The following RAB11FIP4 variants were observed in gnomAD, a reference collection of about 807,000 sequenced individuals.
RAB11FIP4 encodes rab11 family-interacting protein 4.
A neutral mutation model predicts 74.3 loss-of-function variants in RAB11FIP4; 23 were observed. That is an observed-to-expected ratio of 0.31 (90% CI 0.22 to 0.44). The LOEUF is 0.44. Among genes scored for constraint, RAB11FIP4 ranks in the 20% least tolerant of loss-of-function variants. RAB11FIP4 has a pLI of 1.00. For synonymous variants in RAB11FIP4, 360 were observed against 359.9 expected (o/e 1.00, Z 0.00); for missense variants, 630 against 863.9 (o/e 0.73, Z 3.39).
chr17:31,401,196 C>T (rs558495656), intron 1 of RAB11FIP4, among the ~76,000 whole-genome samples: 4 of 152,064 alleles, frequency 2.6e-5, no homozygotes, highest in South Asian at 4.2e-4. Context: ...GGCATGAACC[C>T]GGGAGGTGGA....
In RAB11FIP4 at chr17:31,457,224, T is replaced by A. The variant is rs189287983; in HGVS notation, c.336+23102T>A. On this transcript the variant is annotated intron_variant, in intron 3 of 14. Coordinates refer to ENST00000621161, the MANE Select transcript of RAB11FIP4 (RefSeq NM_032932.6). ...CCTTCCTCACAGGTTCTCGACTGTG[T>A]TCTCCTGGGGGACGAGGACCAGCTT... Among the ~76,000 whole-genome samples the A allele has an allele frequency of 1.7e-4, 26 of 152,260 alleles. No individual in the cohort carries two copies. The East Asian group carries it at 5.0e-3, about 29-fold the overall frequency.
At chr17:31,499,735 C>G (rs2072183169) in intron 3 of RAB11FIP4, among the ~76,000 whole-genome samples, 1 of 152,122 alleles carries the variant, frequency 6.6e-6, no homozygotes, top group African/African-American at 2.4e-5. Context: ...AGCAGACTGG[C>G]CACATGGTAG....
chr17:31,406,469 C>T (rs2071042571), intron 1 of RAB11FIP4, among the ~76,000 whole-genome samples: 1 of 152,250 alleles, frequency 6.6e-6, no homozygotes, highest in African/African-American at 2.4e-5. Context: ...CTCCTTCTGT[C>T]TCCCCTGCCT....
chr17:31,517,908 T>C, intron 4 of RAB11FIP4, 31 bp downstream of exon 4: 1 of 1,516,248 alleles, frequency 6.6e-7, no homozygotes, highest in Non-Finnish European at 9.0e-7. Flanking sequence ...GCTCCATATT[T>C]GCCCTCTCAG....
intron 1 of RAB11FIP4, among the ~76,000 whole-genome samples, chr17:31,424,561 C>A (rs1399571542): frequency 6.7e-6 from 1 of 150,102 alleles, no homozygotes; most frequent in Non-Finnish European, 1.5e-5. Flanking sequence ...AGGCGCGCAC[C>A]ACCACACCCA....
In RAB11FIP4 at chr17:31,423,210, C is replaced by T. The variant is rs906097919; in HGVS notation, c.160-8603C>T. ...CTGGGATTACAGGCGTGAGCCACCG[C>T]GCCCAGCCTTTTTGTCTTTTGTCTT... is the stretch of plus-strand genomic sequence containing the variant. On this transcript the variant is annotated intron_variant, in intron 1 of 14. Coordinates refer to ENST00000621161, the MANE Select transcript of RAB11FIP4 (RefSeq NM_032932.6). Among the ~76,000 whole-genome samples, 7 of 152,336 alleles carry T rather than the reference C, an allele frequency of 4.6e-5. No individual in the cohort carries two copies. In the South Asian group the frequency reaches 8.3e-4, roughly 18 times the overall value.
At chr17:31,522,085 G>C in intron 6 of RAB11FIP4, 36 bp downstream of exon 6, 8 of 1,613,226 alleles carry the variant, frequency 5.0e-6, no homozygotes, top group Non-Finnish European at 6.8e-6. Flanking sequence ...TGAGAGGCCG[G>C]GGGGCCAGGG....
chr17:31,511,531 C>T (rs933585222), intron 3 of RAB11FIP4, among the ~76,000 whole-genome samples: 10 of 152,226 alleles, frequency 6.6e-5, no homozygotes, highest in African/African-American at 2.2e-4. Flanking sequence ...ACAGTGCTAA[C>T]CACTGGGGTT....
chr17:31,524,044 A>T (rs2072720017), intron 9 of RAB11FIP4, 48 bp downstream of exon 9: 1 of 1,392,360 alleles, frequency 7.2e-7, no homozygotes. Flanking sequence ...GCTGGGGAAC[A>T]AAGGGGGGTC....
intron 3 of RAB11FIP4, among the ~76,000 whole-genome samples, chr17:31,480,421 T>C (rs1338612560): frequency 6.6e-6 from 1 of 152,072 alleles, no homozygotes; most frequent in East Asian, 1.9e-4. Flanking sequence ...GGATAAATGA[T>C]AAAGTCTGGA....
intron 1 of RAB11FIP4, among the ~76,000 whole-genome samples, chr17:31,423,368 G>T (rs563397655): frequency 1.3e-5 from 2 of 151,558 alleles, no homozygotes; most frequent in East Asian, 3.9e-4. Flanking sequence ...TTCTTTGTTT[G>T]TTTATTCGTT....
chr17:31,418,073 A>G (rs2071164822), intron 1 of RAB11FIP4, among the ~76,000 whole-genome samples: 2 of 152,184 alleles, frequency 1.3e-5, no homozygotes, highest in Non-Finnish European at 2.9e-5. Context: ...CCTGGGTGAC[A>G]GTGAGACCCT....
intron 3 of RAB11FIP4, chr17:31,509,059 G>C (rs778664964): frequency 6.6e-6 from 1 of 152,602 alleles, no homozygotes; most frequent in Non-Finnish European, 1.5e-5. Context: ...CATGGCTTTC[G>C]CTTTCTTTTC....
At chr17:31,528,860 G>A in intron 13 of RAB11FIP4, 82 bp downstream of exon 13, 1 of 1,467,816 alleles carries the variant, frequency 6.8e-7, no homozygotes, top group Non-Finnish European at 9.2e-7. Context: ...TCTGTGGTAG[G>A]GGAGCCCAGA....
intron 3 of RAB11FIP4, among the ~76,000 whole-genome samples, chr17:31,442,155 C>A (rs1410629034): frequency 6.6e-6 from 1 of 151,958 alleles, no homozygotes. Context: ...CCCGCCACCA[C>A]GCCTGGCTAA....
intron 3 of RAB11FIP4, among the ~76,000 whole-genome samples, chr17:31,481,495 T>G (rs1185342527): frequency 6.6e-6 from 1 of 152,128 alleles, no homozygotes; most frequent in Admixed American, 6.5e-5. Context: ...GGGACCTCTG[T>G]GCTGCCCAAG....
chr17:31,530,243 G>A, intron 13 of RAB11FIP4, 83 bp from the exon 14 acceptor site: 1 of 1,550,734 alleles, frequency 6.4e-7, no homozygotes, highest in Admixed American at 1.7e-5. Flanking sequence ...GGCAGGTCGG[G>A]GACGGTGGAT....
At chr17:31,495,148 G>A (rs1428412215) in intron 3 of RAB11FIP4, among the ~76,000 whole-genome samples, 1 of 152,224 alleles carries the variant, frequency 6.6e-6, no homozygotes, top group African/African-American at 2.4e-5. Context: ...AAATGCTGAG[G>A]CTCTGGCTGG....
rs748803837 is a variant in RAB11FIP4, at chr17:31,521,957, C to T, written c.801C>T (p.Ser267=). ...TPRKMRHVYN[S]ELLDVYCSQC... ...GGAAAATGCGGCACGTGTACAACAG[C>T]GAATTGCTAGATGTTTACTGCTCTC... Residue 267 remains serine, a synonymous_variant, in exon 6 of 15, where the codon AGC becomes AGT. Coordinates refer to ENST00000621161, the MANE Select transcript of RAB11FIP4 (RefSeq NM_032932.6). 1.4e-5 allele frequency: 23 copies of T among 1,614,172 alleles called. No homozygotes were observed. Among genetic ancestry groups the T allele is most frequent in the Non-Finnish European group, 1.9e-5 (22 of 1,180,024 alleles).
Sources: allele counts gnomAD v4.1 joint callset (sites outside exome capture counted in the v4.1 genomes callset), GRCh38; gene constraint gnomAD v4.1.1; transcripts MANE v1.5; gene names NCBI Gene and HGNC (gene_info 2026-07-23, HGNC 2026-07-21).